The following BNIP3 variants were observed in gnomAD, a reference collection of about 807,000 sequenced individuals.
BNIP3 encodes BCL2/adenovirus E1B 19 kDa protein-interacting protein 3.
A neutral mutation model predicts 23.9 loss-of-function variants in BNIP3; 16 were observed. The observed-to-expected ratio is 0.67, with a 90% CI of 0.45 to 1.01. The LOEUF (loss-of-function observed/expected upper bound fraction) is 1.01, where lower values mean the gene tolerates loss of function less well. BNIP3 is among the 50% of genes least tolerant of loss of function. The probability of loss-of-function intolerance (pLI) is 0.00; values close to 1 mark genes in which losing one functional copy is unlikely to be tolerated. For missense variants in BNIP3, 198 were observed against 248.7 expected (o/e 0.80, Z 1.37); for synonymous variants, 81 against 89.3 (o/e 0.91, Z 0.53).
At chr10:131,974,009 T>A in intron 1 of BNIP3, 66 bp from the exon 2 acceptor site, 1 of 1,591,486 alleles carries the variant, frequency 6.3e-7, no homozygotes, top group Admixed American at 1.7e-5. Context: ...GCTCTTGATA[T>A]CTAACCAGCC....
rs1010423270 is a variant in BNIP3 at position 131,970,434 on chromosome 10, C to T, written c.539+204G>A. On this transcript the variant is annotated intron_variant, in intron 5 of 5. Transcript: ENST00000368636. This position sits in a 1 kb window ranked among gnomAD's most constrained non-coding sequence, Gnocchi z 4.1. ...AGACTCGTCAGGCCAGACAGCAGCA[C>T]CACAGGGCGCCTGTGCTGGGGCCTT... 3 of 695,228 alleles carry T rather than the reference C, an allele frequency of 4.3e-6. No homozygotes were observed. The highest frequency in any genetic ancestry group is 1.8e-5 in the African/African-American group (1 of 55,628). 43.1% of individuals were successfully genotyped at this position (695,228 alleles called of 1,614,324 possible). A position where few individuals can be genotyped will look rare whatever the true frequency, so the allele number is the denominator to read the frequency against.
Position 131,970,272 on chromosome 10 carries a change from C to T in BNIP3, c.539+366G>A, listed in dbSNP as rs2037016247. On this transcript the variant is annotated intron_variant, in intron 5 of 5. Transcript: ENST00000368636. This position sits in a 1 kb window ranked among gnomAD's most constrained non-coding sequence, Gnocchi z 4.1. ...AAGTACAGCAGGTAACTGAGACCCTCCACCTACAGCAGAGCTGGGTGCATT... is the reference window on the plus strand; with the variant it reads ...AAGTACAGCAGGTAACTGAGACCCTTCACCTACAGCAGAGCTGGGTGCATT... 1 of 245,152 alleles carries T rather than the reference C, an allele frequency of 4.1e-6. No individual in the cohort carries two copies. 15.2% of individuals were successfully genotyped at this position (245,152 alleles called of 1,614,324 possible).
chr10:131,975,411 CAG>C (rs2037072376), intron 1 of BNIP3, among the ~76,000 whole-genome samples: 1 of 152,196 alleles, frequency 6.6e-6, no homozygotes, highest in Admixed American at 6.5e-5. Context: ...CCACAAAAGA[CAG>C]GGAAACTTAT....
intron 1 of BNIP3, among the ~76,000 whole-genome samples, chr10:131,974,524 A>G (rs2037065576): frequency 6.6e-6 from 1 of 152,210 alleles, no homozygotes; most frequent in African/African-American, 2.4e-5. Context: ...AATAACTGGA[A>G]CTACAGGCAT....
In BNIP3 at chr10:131,976,101, C is replaced by G. The variant is rs527828268; in HGVS notation, c.47-2158G>C. Among the ~76,000 whole-genome samples, 1 of 152,338 alleles carries G rather than the reference C, an allele frequency of 6.6e-6. No individual in the cohort carries two copies. Among genetic ancestry groups the G allele is most frequent in the South Asian group, 2.1e-4 (1 of 4,826 alleles). ...ATGCCATGCGGCCGGCTAGCCATGG[C>G]CTGCCCCTGAGAGAACGGCACCACA... On this transcript the variant is annotated intron_variant, in intron 1 of 5. Coordinates refer to ENST00000368636, the MANE Select transcript of BNIP3 (RefSeq NM_004052.4). This position sits in a 1 kb window ranked among gnomAD's most constrained non-coding sequence, Gnocchi z 4.3.
rs1479034498 is a variant in BNIP3 at position 131,971,308 on chromosome 10, G to A, written c.283-338C>T. The A allele has an allele frequency of 3.4e-5, 11 of 325,294 alleles. No individual in the cohort carries two copies. In the Admixed American group the frequency reaches 5.1e-4, roughly 15 times the overall value. 20.2% of individuals were successfully genotyped at this position (325,294 alleles called of 1,614,324 possible). ...GGAAGTCACGTGACATGAGGGCAAA[G>A]ATGGTGACGGCAGCACTGGTTATAA... On this transcript the variant is annotated intron_variant, in intron 3 of 5. Transcript: ENST00000368636.
At chr10:131,971,666 ATAAAAT>A (rs2037035097) in intron 3 of BNIP3, 1 of 152,408 alleles carries the variant, frequency 6.6e-6, no homozygotes, top group Non-Finnish European at 1.5e-5. Context: ...AAAAAAAGAA[ATAAAAT>A]TGAAAATACT....
chr10:131,972,044 C>T (rs772971674), intron 3 of BNIP3, among the ~76,000 whole-genome samples: 1 of 152,184 alleles, frequency 6.6e-6, no homozygotes, highest in Admixed American at 6.5e-5. Context: ...AAACACATCG[C>T]GCATCTCATC....
chr10:131,980,842 C>CA (rs926860027), intron 1 of BNIP3: 3 of 152,192 alleles, frequency 2.0e-5, no homozygotes, highest in Non-Finnish European at 2.9e-5. Context: ...TCAAAGAACA[C>CA]AAAGGTCAGC....
intron 1 of BNIP3, chr10:131,980,531 G>A (rs2037111444): frequency 1.3e-5 from 2 of 149,768 alleles, no homozygotes; most frequent in African/African-American, 4.9e-5. Context: ...AGGATCGCTT[G>A]AGCCCAGTTC....
chr10:131,979,759 G>A (rs530191486), intron 1 of BNIP3, among the ~76,000 whole-genome samples: 1 of 152,352 alleles, frequency 6.6e-6, no homozygotes, highest in African/African-American at 2.4e-5. Flanking sequence ...AACAGAATCA[G>A]CCCATTTTGC....
chr10:131,981,886 G>A lies in BNIP3; in HGVS notation c.-80C>T, dbSNP rs1397037717. ...TTCAGCTGCGGGCGGTGGGAAAGCG[G>A]AGGTCGGAGCGCCGCGGCCCAGCTG... is the stretch of plus-strand genomic sequence containing the variant. On this transcript the variant is annotated 5_prime_UTR_variant, in exon 1 of 6. Coordinates refer to ENST00000368636, the MANE Select transcript of BNIP3 (RefSeq NM_004052.4). 2.9e-6 allele frequency: 4 copies of A among 1,365,736 alleles called. No homozygotes were observed. The African/African-American group carries it at 4.6e-5, about 16-fold the overall frequency. The allele number at this position is 1,365,736 out of a possible 1,614,324, so 84.6% of individuals were successfully genotyped here. A position where few individuals can be genotyped will look rare whatever the true frequency, so the allele number is the denominator to read the frequency against.
At position 131,973,809 on chromosome 10, in the gene BNIP3, T is replaced by G; in HGVS notation, c.181A>C (p.Ser61Arg). Residue 61 changes from serine to arginine, a missense_variant, in exon 2 of 6, where the codon AGC becomes CGC. By Grantham distance (110) the Ser-to-Arg change is moderately radical. Transcript: ENST00000368636. ...CGCGCCTACCTGTCACAGTGAGAGC[T>G]CTTGGAGCTACTCCGTCCAGACTCA... The part of the protein sequence containing the change: ...QHESGRSSSK[S>R]SHCDSPPRSQ... The G allele has an allele frequency of 6.2e-7, 1 of 1,612,348 alleles. No homozygotes were observed. Among genetic ancestry groups the G allele is most frequent in the Non-Finnish European group, 8.5e-7 (1 of 1,180,012 alleles).
chr10:131,981,394 C>T, intron 1 of BNIP3: 2 of 330,310 alleles, frequency 6.1e-6, no homozygotes, highest in East Asian at 9.6e-5. Flanking sequence ...GAACTACAGA[C>T]CGCGGAGGGC....
chr10:131,971,060 G>A, intron 3 of BNIP3, 90 bp from the exon 4 acceptor site: 1 of 1,203,284 alleles, frequency 8.3e-7, no homozygotes, highest in Non-Finnish European at 1.2e-6. Context: ...AGATCCGCAG[G>A]CTCAATTCAA....
Position 131,968,290 on chromosome 10 carries a change from T to A in BNIP3, c.*234A>T. The A allele has an allele frequency of 2.8e-6, 1 of 356,610 alleles. No homozygotes were observed. The highest frequency in any genetic ancestry group is 5.1e-6 in the Non-Finnish European group (1 of 196,788). The allele number at this position is 356,610 out of a possible 1,614,324, so 22.1% of individuals were successfully genotyped here. A position where few individuals can be genotyped will look rare whatever the true frequency, so the allele number is the denominator to read the frequency against. ...TATCAAATGAAAATTTACTACCAAATTTTCACAGTAGACATTAATCAGTCT... is the reference window on the plus strand; with the variant it reads ...TATCAAATGAAAATTTACTACCAAAATTTCACAGTAGACATTAATCAGTCT... On this transcript the variant is annotated 3_prime_UTR_variant, in exon 6 of 6. Coordinates refer to ENST00000368636, the MANE Select transcript of BNIP3 (RefSeq NM_004052.4).
intron 3 of BNIP3, among the ~76,000 whole-genome samples, chr10:131,971,946 G>T (rs1024767214): frequency 6.6e-6 from 1 of 152,232 alleles, no homozygotes; most frequent in Non-Finnish European, 1.5e-5. Flanking sequence ...TACTAACCCT[G>T]CCTGGAAGGC....
In BNIP3 at chr10:131,973,327, T is replaced by C. The variant is rs1461485048; in HGVS notation, c.198-209A>G. 5 of 550,530 alleles carry C rather than the reference T, an allele frequency of 9.1e-6. No homozygotes were observed. The East Asian group carries it at 1.6e-4, about 17-fold the overall frequency. 34.1% of individuals were successfully genotyped at this position (550,530 alleles called of 1,614,324 possible). On this transcript the variant is annotated intron_variant, in intron 2 of 5. Transcript: ENST00000368636. ...CACGACAGGAGTGAGCTAGCCAGTC[T>C]TCCAGAGAAGACGCAGGGGCAACTG...
intron 1 of BNIP3, among the ~76,000 whole-genome samples, chr10:131,979,522 C>T (rs1360247882): frequency 2.6e-5 from 4 of 152,110 alleles, no homozygotes; most frequent in Non-Finnish European, 4.4e-5. Context: ...GTGATGCCCC[C>T]GCCACCGTGA....
Sources: allele counts gnomAD v4.1 joint callset (sites outside exome capture counted in the v4.1 genomes callset), GRCh38; gene constraint gnomAD v4.1.1; non-coding constraint Gnocchi (gnomAD v3.1); transcripts MANE v1.5; gene names NCBI Gene and HGNC (gene_info 2026-07-23, HGNC 2026-07-21).